Variants in SLC19A1 observed in about 807,000 individuals in gnomAD.
The protein encoded by SLC19A1 is reduced folate transporter.
A neutral mutation model predicts 35.3 loss-of-function variants in SLC19A1; 37 were observed. That is an observed-to-expected ratio of 1.05 (90% CI 0.81 to 1.38). The LOEUF is 1.38. Ranked by LOEUF, SLC19A1 falls within the 40% of genes most tolerant of loss-of-function variation. The probability of loss-of-function intolerance (pLI) is 0.00; values close to 1 mark genes in which losing one functional copy is unlikely to be tolerated. For missense variants in SLC19A1, 831 were observed against 826.9 expected, an observed-to-expected ratio of 1.00 and a Z score of -0.06; for synonymous variants, 460 against 398.5, an observed-to-expected ratio of 1.15 and a Z score of -1.84.
In SLC19A1 at chr21:45,536,780, C is replaced by T. The variant is rs527271494; in HGVS notation, c.189+991G>A. On this transcript the variant is annotated intron_variant, in intron 2 of 5. Coordinates refer to ENST00000311124, the MANE Select transcript of SLC19A1 (RefSeq NM_194255.4). ...ATGTGGGAGCAGAGGACGGGGTCAG[C>T]GGCTGGGATGGGCAGGTGAGCAGGC... 2.9e-3 allele frequency among the ~76,000 whole-genome samples: 434 copies of T among 152,206 alleles called. 1 individual carries two copies. The highest frequency in any genetic ancestry group is 0.01 in the African/African-American group (418 of 41,522).
chr21:45,543,679 A>G (rs1039108227), upstream of SLC19A1: 2 of 152,390 alleles, frequency 1.3e-5, no homozygotes, highest in African/African-American at 4.8e-5. Context: ...CACACGAACA[A>G]ATCTCAAAGG....
chr21:45,520,535 T>A (rs2077406314), intron 5 of SLC19A1, among the ~76,000 whole-genome samples: 1 of 152,198 alleles, frequency 6.6e-6, no homozygotes, highest in Non-Finnish European at 1.5e-5. Flanking sequence ...TCAACTACAT[T>A]TCTATACACT....
chr21:45,527,119 T>C (rs2077647933), intron 4 of SLC19A1, among the ~76,000 whole-genome samples: 1 of 152,182 alleles, frequency 6.6e-6, no homozygotes, highest in African/African-American at 2.4e-5. Context: ...AGTCGGTGAA[T>C]GAGCAGCAGC....
intron 2 of SLC19A1, chr21:45,536,108 G>T: frequency 4.9e-6 from 1 of 204,502 alleles, no homozygotes; most frequent in South Asian, 1.6e-4. Context: ...CAGCCAGAGG[G>T]GCTGAGATCG....
Position 45,533,939 on chromosome 21 carries a change from G to A in SLC19A1, c.190-1791C>T. On this transcript the variant is annotated intron_variant, in intron 2 of 5. Transcript: ENST00000311124. This position sits in a 1 kb window ranked among gnomAD's most constrained non-coding sequence, Gnocchi z 4.5. ...CGGCATGCTGAGAAGCTTCCCAGGG[G>A]CTCAGGGGAAGGCTGCCCAGAGACC... Among the ~76,000 whole-genome samples the A allele has an allele frequency of 6.6e-6, 1 of 152,052 alleles. No homozygotes were observed.
downstream of SLC19A1, chr21:45,512,352 A>T: frequency 3.1e-6 from 5 of 1,612,750 alleles, no homozygotes; most frequent in Non-Finnish European, 4.2e-6. Flanking sequence ...CATCACGCCT[A>T]CATCGTGCTC....
chr21:45,504,182 TC>T, intron 3 of SLC19A1: 1 of 1,152,650 alleles, frequency 8.7e-7, no homozygotes, highest in African/African-American at 1.5e-5. Context: ...GGGCGCTGGC[TC>T]CAGAGGGTGT....
chr21:45,510,338 T>G, downstream of SLC19A1: 1 of 1,477,690 alleles, frequency 6.8e-7, no homozygotes, highest in Non-Finnish European at 9.2e-7. Flanking sequence ...AGCGGGGAGC[T>G]CCCCTCTAGG....
In SLC19A1 at chr21:45,534,694, C is replaced by T. The variant is rs1569009268; in HGVS notation, c.190-2546G>A. On this transcript the variant is annotated intron_variant, in intron 2 of 5. Coordinates refer to ENST00000311124, the MANE Select transcript of SLC19A1 (RefSeq NM_194255.4). The surrounding 1 kb of genome is among the most constrained non-coding windows in gnomAD (Gnocchi z 4.2). ...AGCCCTCCCGCTCCTCTCCCTGCACCTCCTCAACGGCCCCTACTCCCTCTT... is the reference window on the plus strand; with the variant it reads ...AGCCCTCCCGCTCCTCTCCCTGCACTTCCTCAACGGCCCCTACTCCCTCTT... The T allele has an allele frequency of 4.7e-6, 5 of 1,069,122 alleles. No homozygotes were observed. The highest frequency in any genetic ancestry group is 6.9e-6 in the Non-Finnish European group (5 of 728,506). The allele number at this position is 1,069,122 out of a possible 1,614,324, so 66.2% of individuals were successfully genotyped here. A position where few individuals can be genotyped will look rare whatever the true frequency, so the allele number is the denominator to read the frequency against.
chr21:45,519,259 C>CA (rs761420937), intron 5 of SLC19A1, among the ~76,000 whole-genome samples: 9 of 151,876 alleles, frequency 5.9e-5, no homozygotes, highest in Non-Finnish European at 1.0e-4. Context: ...CTGGAAGCTG[C>CA]AAAAAATGTA....
chr21:45,540,681 C>T lies in SLC19A1; in HGVS notation c.-50+1687G>A, dbSNP rs534872281. Among the ~76,000 whole-genome samples the T allele has an allele frequency of 6.6e-6, 1 of 152,166 alleles. No homozygotes were observed. Among genetic ancestry groups the T allele is most frequent in the Non-Finnish European group, 1.5e-5 (1 of 68,044 alleles). On this transcript the variant is annotated intron_variant, in intron 1 of 5. Transcript: ENST00000311124. The surrounding 1 kb of genome is among the most constrained non-coding windows in gnomAD (Gnocchi z 5.5). ...AGAAACGCAGCCCCAAGCCAGGGGACGCCTAGACTCCAAGTGTCCAGACCC... is the reference window on the plus strand; with the variant it reads ...AGAAACGCAGCCCCAAGCCAGGGGATGCCTAGACTCCAAGTGTCCAGACCC...
chr21:45,546,974 T>G (rs1418148239), upstream of SLC19A1, among the ~76,000 whole-genome samples: 1 of 152,216 alleles, frequency 6.6e-6, no homozygotes, highest in African/African-American at 2.4e-5. Context: ...ATGATGCAAT[T>G]GTCAGGGCAG....
downstream of SLC19A1, chr21:45,509,977 C>T (rs1187391918): frequency 6.9e-7 from 1 of 1,449,452 alleles, no homozygotes; most frequent in Non-Finnish European, 9.3e-7. Context: ...CCTGTCCACA[C>T]AGGTGCGGGG....
chr21:45,505,262 T>A (rs778364546), intron 3 of SLC19A1: 1 of 1,607,854 alleles, frequency 6.2e-7, no homozygotes, highest in Admixed American at 1.7e-5. Context: ...CTTCATTTCC[T>A]GGCCCTCACA....
In SLC19A1 at chr21:45,513,484, C is replaced by G. The variant is rs949475656; in HGVS notation, c.*2174G>C. The G allele has an allele frequency of 6.6e-6, 1 of 152,262 alleles. No homozygotes were observed. Among genetic ancestry groups the G allele is most frequent in the Non-Finnish European group, 1.5e-5 (1 of 68,054 alleles). 9.4% of individuals were successfully genotyped at this position (152,262 alleles called of 1,614,324 possible). A position where few individuals can be genotyped will look rare whatever the true frequency, so the allele number is the denominator to read the frequency against. ...CCGCCCTGCGGGTGAACAAAGCAGCCACGAGGTGCAACAAGGTCCTCTGTC... is the reference window on the plus strand; with the variant it reads ...CCGCCCTGCGGGTGAACAAAGCAGCGACGAGGTGCAACAAGGTCCTCTGTC... On this transcript the variant is annotated 3_prime_UTR_variant, in exon 6 of 6. Transcript: ENST00000311124.
intron 1 of SLC19A1, among the ~76,000 whole-genome samples, chr21:45,553,492 A>G (rs2078488076): frequency 6.6e-6 from 1 of 151,728 alleles, no homozygotes; most frequent in African/African-American, 2.4e-5. Context: ...TACCATGTTA[A>G]CTATTTTTAA....
chr21:45,560,138 C>A (rs1340283178), intron 1 of SLC19A1, among the ~76,000 whole-genome samples: 1 of 152,330 alleles, frequency 6.6e-6, no homozygotes, highest in South Asian at 2.1e-4. Context: ...GAGCATAAAC[C>A]GTGCAGCCTT....
intron 3 of SLC19A1, chr21:45,503,936 T>C: frequency 1.9e-6 from 3 of 1,556,646 alleles, no homozygotes; most frequent in Non-Finnish European, 2.7e-6. Flanking sequence ...AACCCACCAG[T>C]GCTGGGGGCT....
chr21:45,505,494 T>C (rs1401410026), intron 3 of SLC19A1: 1 of 869,506 alleles, frequency 1.2e-6, no homozygotes, highest in Admixed American at 2.0e-5. Context: ...CTGCAGCCCC[T>C]GCCCCTCAGA....
Sources: gnomAD v4.1 joint callset for allele counts (sites outside exome capture counted in the v4.1 genomes callset) on GRCh38, gnomAD v4.1.1 for gene constraint, Gnocchi (gnomAD v3.1) non-coding constraint, MANE v1.5 for transcripts, NCBI Gene and HGNC (gene_info 2026-07-23, HGNC 2026-07-21) for gene names.